Variants in ZRANB3 observed in about 807,000 individuals in gnomAD.
ZRANB3 encodes the protein zinc finger RANBP2-type containing 3.
Under a neutral mutation model 133.8 loss-of-function variants are expected in ZRANB3, and 125 were observed. The observed-to-expected ratio is 0.93, with a 90% CI of 0.81 to 1.08. ZRANB3 has a LOEUF of 1.08. ZRANB3 is among the 50% of genes least tolerant of loss of function. The probability of loss-of-function intolerance (pLI) is 0.00; values close to 1 mark genes in which losing one functional copy is unlikely to be tolerated. For missense variants in ZRANB3, 1,229 were observed against 1,275.5 expected (o/e 0.96, Z 0.56); for synonymous variants, 387 against 432.7 (o/e 0.89, Z 1.31).
At chr2:135,413,180 C>T (rs183937559) in intron 2 of ZRANB3, among the ~76,000 whole-genome samples, 14 of 152,268 alleles carry the variant, frequency 9.2e-5, no homozygotes, top group South Asian at 2.1e-4. Context: ...TATCCTTCCA[C>T]GTGCTTCTGA....
chr2:135,422,579 C>A (rs1035894977), intron 2 of ZRANB3, among the ~76,000 whole-genome samples: 1 of 152,194 alleles, frequency 6.6e-6, no homozygotes, highest in African/African-American at 2.4e-5. Flanking sequence ...GAGATGAACA[C>A]TTGAAAAGCG....
chr2:135,445,204 G>C (rs1255220741), intron 2 of ZRANB3, among the ~76,000 whole-genome samples: 1 of 152,314 alleles, frequency 6.6e-6, no homozygotes, highest in East Asian at 1.9e-4. Context: ...AGCATTTTGG[G>C]AGGCTGAGGC....
At chr2:135,364,125 G>T (rs546443324) in intron 3 of ZRANB3, among the ~76,000 whole-genome samples, 5 of 151,654 alleles carry the variant, frequency 3.3e-5, no homozygotes, top group African/African-American at 1.2e-4. Context: ...AAGGAAGAAG[G>T]GAAGGAAGGA....
At chr2:135,292,592 T>C (rs539844453) in intron 8 of ZRANB3, among the ~76,000 whole-genome samples, 1 of 152,336 alleles carries the variant, frequency 6.6e-6, no homozygotes, top group South Asian at 2.1e-4. Flanking sequence ...AGAAGCTCTT[T>C]AGTTTAATTA....
intron 1 of ZRANB3, among the ~76,000 whole-genome samples, chr2:135,522,379 C>T (rs1218344733): frequency 6.6e-6 from 1 of 152,172 alleles, no homozygotes; most frequent in East Asian, 1.9e-4. Context: ...CTGGACTCGC[C>T]TTTTAAACTC....
chr2:135,294,184 T>G (rs1026006916), intron 8 of ZRANB3, among the ~76,000 whole-genome samples: 3 of 152,246 alleles, frequency 2.0e-5, no homozygotes, highest in Non-Finnish European at 2.9e-5. Flanking sequence ...CAGCTCTTCC[T>G]TGTACCTCTC....
intron 6 of ZRANB3, among the ~76,000 whole-genome samples, chr2:135,327,735 C>T (rs181042041): frequency 1.3e-5 from 2 of 152,198 alleles, no homozygotes; most frequent in East Asian, 3.9e-4. Context: ...GCTTCCTCAT[C>T]TATAAAATGG....
intron 2 of ZRANB3, among the ~76,000 whole-genome samples, chr2:135,406,340 A>T (rs961583464): frequency 2.6e-5 from 4 of 152,200 alleles, no homozygotes; most frequent in Admixed American, 1.3e-4. Context: ...ATAGTTTACC[A>T]ACCAAAAAAA....
chr2:135,430,072 C>T (rs552011512), intron 2 of ZRANB3, among the ~76,000 whole-genome samples: 99 of 151,678 alleles, frequency 6.5e-4, no homozygotes, highest in Non-Finnish European at 1.3e-3. Flanking sequence ...GCTACTTGGG[C>T]GGCTGGGGTG....
intron 1 of ZRANB3, among the ~76,000 whole-genome samples, chr2:135,523,224 TC>T (rs1694018467): frequency 6.6e-6 from 1 of 152,202 alleles, no homozygotes; most frequent in Non-Finnish European, 1.5e-5. Flanking sequence ...CACTTATTAT[TC>T]ATTATTCCCA....
intron 1 of ZRANB3, among the ~76,000 whole-genome samples, chr2:135,505,041 T>C (rs2104823306): frequency 6.6e-6 from 1 of 152,194 alleles, no homozygotes; most frequent in East Asian, 1.9e-4. Context: ...AAATTAATTC[T>C]TTTTAATGAG....
chr2:135,389,440 C>G (rs912393231), intron 3 of ZRANB3, among the ~76,000 whole-genome samples: 8 of 152,152 alleles, frequency 5.3e-5, no homozygotes, highest in African/African-American at 1.9e-4. Flanking sequence ...GGCACTGTGG[C>G]TCACGCCTGT....
At chr2:135,495,751 T>C (rs116911495) in intron 2 of ZRANB3, among the ~76,000 whole-genome samples, 1 of 152,342 alleles carries the variant, frequency 6.6e-6, no homozygotes, top group East Asian at 1.9e-4. Context: ...TGGGGTTGTT[T>C]AGAAAGAGGC....
chr2:135,297,028 A>T lies in ZRANB3; in HGVS notation c.966+16461T>A, dbSNP rs1573859233. 2.0e-5 allele frequency among the ~76,000 whole-genome samples: 3 copies of T among 152,184 alleles called. No individual in the cohort carries two copies. The South Asian group carries it at 6.2e-4, about 32-fold the overall frequency. ...CAGTTAGGCTACTCGGGGGTCAGGG[A>T]CCCACTTGAGGAGGCAGTCTGCCCA... On this transcript the variant is annotated intron_variant, in intron 8 of 20. Transcript: ENST00000264159.
At chr2:135,243,594 C>T (rs1186282127) in intron 12 of ZRANB3, among the ~76,000 whole-genome samples, 1 of 151,808 alleles carries the variant, frequency 6.6e-6, no homozygotes, top group Non-Finnish European at 1.5e-5. Flanking sequence ...ATACCCTCAA[C>T]CACCTCTCTT....
chr2:135,228,899 C>G (rs1270576271), intron 13 of ZRANB3, among the ~76,000 whole-genome samples: 1 of 151,930 alleles, frequency 6.6e-6, no homozygotes, highest in Non-Finnish European at 1.5e-5. Context: ...TGACAGATTC[C>G]TTATTGAATC....
At chr2:135,288,873 C>CATGTGT (rs1248341763) in intron 8 of ZRANB3, among the ~76,000 whole-genome samples, 15 of 141,296 alleles carry the variant, frequency 1.1e-4, no homozygotes, top group African/African-American at 3.9e-4. Flanking sequence ...CTTCATTTAT[C>CATGTGT]GTGTGTGTGT....
In ZRANB3 at chr2:135,366,265, T is replaced by C. The variant is rs191870910; in HGVS notation, c.181-12637A>G. Reference sequence around the variant, plus strand: ...ACACCCTTTTAAGATGGGTCTCGTATATATTAAAAAGAGGGAGAAAGAAAG... The same window carrying C: ...ACACCCTTTTAAGATGGGTCTCGTACATATTAAAAAGAGGGAGAAAGAAAG... On this transcript the variant is annotated intron_variant, in intron 3 of 20. Coordinates refer to ENST00000264159, the MANE Select transcript of ZRANB3 (RefSeq NM_032143.4). Among the ~76,000 whole-genome samples the C allele has an allele frequency of 1.6e-3, 241 of 152,228 alleles. 3 individuals are homozygous for C. The Middle Eastern group carries it at 0.027, about 17-fold the overall frequency.
chr2:135,452,312 A>T (rs2105006682), intron 2 of ZRANB3, among the ~76,000 whole-genome samples: 1 of 152,220 alleles, frequency 6.6e-6, no homozygotes, highest in Admixed American at 6.5e-5. Context: ...TGGGAGATAC[A>T]ATTCAAGTTG....
Sources: allele counts gnomAD v4.1 joint callset (sites outside exome capture counted in the v4.1 genomes callset), GRCh38; gene constraint gnomAD v4.1.1; transcripts MANE v1.5; gene names NCBI Gene and HGNC (gene_info 2026-07-23, HGNC 2026-07-21).